The following TCF7L2 variants were observed in gnomAD, a reference collection of about 807,000 sequenced individuals.
TCF7L2 encodes transcription factor 7-like 2.
TCF7L2 carries 23 observed loss-of-function variants against 77.9 expected under a neutral mutation model. The observed-to-expected ratio is 0.30, with a 90% CI of 0.21 to 0.42. The LOEUF (loss-of-function observed/expected upper bound fraction) is 0.42. Among genes scored for constraint, TCF7L2 ranks in the 10% least tolerant of loss-of-function variants. The pLI, the probability that TCF7L2 is intolerant of heterozygous loss-of-function variation, is 1.00. For synonymous variants in TCF7L2, 413 were observed against 340.2 expected, an observed-to-expected ratio of 1.21 and a Z score of -2.36; for missense variants, 654 against 793.1, an observed-to-expected ratio of 0.82 and a Z score of 2.11.
At position 113,158,074 on chromosome 10, in the gene TCF7L2, G is replaced by A. The variant is rs1298494297; in HGVS notation, c.1318+5G>A. On this transcript the variant is annotated splice_donor_5th_base_variant and intron_variant, in intron 12 of 13. Transcript: ENST00000627217. ...AGCAGCCGGGAGAGACCAATGGTAA[G>A]TGACAATCATCAGGTTAGAGGAAGG... 1.0e-5 allele frequency: 16 copies of A among 1,595,686 alleles called. No homozygotes were observed. The highest frequency in any genetic ancestry group is 1.1e-5 in the Non-Finnish European group (13 of 1,170,156).
At chr10:112,982,203 C>G (rs1188819365) in intron 4 of TCF7L2, among the ~76,000 whole-genome samples, 3 of 152,114 alleles carry the variant, frequency 2.0e-5, no homozygotes, top group Non-Finnish European at 4.4e-5. Flanking sequence ...TTTTCTCTAT[C>G]CCAGTATTTA....
chr10:113,107,587 C>CA (rs2062509371), intron 5 of TCF7L2, among the ~76,000 whole-genome samples: 1 of 150,604 alleles, frequency 6.6e-6, no homozygotes. Flanking sequence ...ACTAAAAATA[C>CA]AAAAAATTAG....
chr10:113,120,950 C>G (rs1480179262), intron 5 of TCF7L2, among the ~76,000 whole-genome samples: 1 of 152,140 alleles, frequency 6.6e-6, no homozygotes, highest in African/African-American at 2.4e-5. Flanking sequence ...TTTATTAAAT[C>G]AGGATGCTTC....
intron 4 of TCF7L2, among the ~76,000 whole-genome samples, chr10:112,995,301 T>G (rs2043266309): frequency 6.6e-6 from 1 of 152,134 alleles, no homozygotes; most frequent in Non-Finnish European, 1.5e-5. Flanking sequence ...TTTTTTTGTT[T>G]CAAGCAAACC....
At chr10:113,124,755 C>T (rs757577701) in intron 5 of TCF7L2, among the ~76,000 whole-genome samples, 20 of 151,546 alleles carry the variant, frequency 1.3e-4, no homozygotes, top group Admixed American at 3.3e-4. Flanking sequence ...TTAATGATCT[C>T]GTAAAACGTT....
intron 5 of TCF7L2, among the ~76,000 whole-genome samples, chr10:113,064,937 C>T (rs2057042147): frequency 6.6e-6 from 1 of 152,254 alleles, no homozygotes; most frequent in Non-Finnish European, 1.5e-5. Flanking sequence ...TTGCCATTGT[C>T]ACCTCTAATG....
At chr10:113,049,847 C>G (rs2054114001) in intron 5 of TCF7L2, among the ~76,000 whole-genome samples, 2 of 152,206 alleles carry the variant, frequency 1.3e-5, no homozygotes, top group South Asian at 4.1e-4. Context: ...ACTGGCCATG[C>G]TTCGAGTGGA....
chr10:113,096,886 G>T (rs1179444877), intron 5 of TCF7L2, among the ~76,000 whole-genome samples: 1 of 152,166 alleles, frequency 6.6e-6, no homozygotes, highest in Non-Finnish European at 1.5e-5. Context: ...AGAGAAAGAA[G>T]AAATAAGAGG....
chr10:112,993,003 T>G (rs973292816), intron 4 of TCF7L2, among the ~76,000 whole-genome samples: 1 of 151,818 alleles, frequency 6.6e-6, no homozygotes, highest in African/African-American at 2.4e-5. Context: ...GACCTCATAA[T>G]CCACCCGCCT....
chr10:113,113,380 C>T (rs1056115739), intron 5 of TCF7L2, among the ~76,000 whole-genome samples: 8 of 151,640 alleles, frequency 5.3e-5, no homozygotes, highest in African/African-American at 2.0e-4. Flanking sequence ...CCCCGCACCT[C>T]CCCACCAGTG....
chr10:113,151,771 A>G lies in TCF7L2; in HGVS notation c.1048A>G (p.Ile350Val), dbSNP rs1436634516. 1.9e-6 allele frequency: 3 copies of G among 1,611,020 alleles called. No homozygotes were observed. The highest frequency in any genetic ancestry group is 2.5e-6 in the Non-Finnish European group (3 of 1,179,418). The change falls in exon 10 of 14, where the codon ATA becomes GTA. Residue 350 changes from isoleucine (I) to valine (V), a missense_variant. By Grantham distance (29) the Ile-to-Val change is conservative. This residue lies in a region of TCF7L2 where 31 missense variants were observed against 116.1 expected (regional missense o/e 0.27). Coordinates refer to ENST00000627217, the MANE Select transcript of TCF7L2 (RefSeq NM_001146274.2). This position sits in a 1 kb window ranked among gnomAD's most constrained non-coding sequence, Gnocchi z 5.2. ...GGAAGAAGAAAAGAAGAAGCCCCACATAAAGAAACCTCTTAATGCATTCAT... is the reference window on the plus strand; with the variant it reads ...GGAAGAAGAAAAGAAGAAGCCCCACGTAAAGAAACCTCTTAATGCATTCAT...
At chr10:113,068,762 GC>G (rs2135135455) in intron 5 of TCF7L2, among the ~76,000 whole-genome samples, 1 of 152,114 alleles carries the variant, frequency 6.6e-6, no homozygotes, top group East Asian at 1.9e-4. Flanking sequence ...CCGTCCGCAG[GC>G]CCCCTTGCTG....
chr10:112,970,826 C>CA (rs562832865), intron 4 of TCF7L2, among the ~76,000 whole-genome samples: 125 of 152,314 alleles, frequency 8.2e-4, no homozygotes, highest in African/African-American at 2.9e-3. Flanking sequence ...AAGTGAAGAA[C>CA]TCCTGGAAAC....
chr10:113,161,478 T>TC, intron 13 of TCF7L2: 1 of 1,310,918 alleles, frequency 7.6e-7, no homozygotes, highest in South Asian at 1.3e-5. Context: ...TGTAGGTACT[T>TC]CCTTCTTGGT....
At chr10:113,064,704 G>A (rs765496294) in intron 5 of TCF7L2, among the ~76,000 whole-genome samples, 1 of 152,146 alleles carries the variant, frequency 6.6e-6, no homozygotes, top group African/African-American at 2.4e-5. Context: ...CCAAAACATT[G>A]CCAGTTCACG....
chr10:113,146,902 A>AG (rs2069552469), intron 8 of TCF7L2, among the ~76,000 whole-genome samples: 1 of 122,314 alleles, frequency 8.2e-6, no homozygotes, highest in Admixed American at 1.1e-4. Flanking sequence ...TTTGAAAGTT[A>AG]AAAAAAAACA....
intron 4 of TCF7L2, among the ~76,000 whole-genome samples, chr10:112,980,861 C>T (rs898477550): frequency 4.6e-5 from 7 of 152,004 alleles, no homozygotes; most frequent in African/African-American, 7.2e-5. Context: ...CTCTTGACCT[C>T]GTGATCCGCC....
intron 13 of TCF7L2, chr10:113,160,805 T>C: frequency 1.1e-6 from 1 of 950,390 alleles, no homozygotes; most frequent in Non-Finnish European, 1.6e-6. Flanking sequence ...CTGGCATCAA[T>C]GACTAATGAT....
At chr10:112,993,108 A>G (rs1193686150) in intron 4 of TCF7L2, among the ~76,000 whole-genome samples, 1 of 152,038 alleles carries the variant, frequency 6.6e-6, no homozygotes, top group East Asian at 1.9e-4. Flanking sequence ...TGATCATGTA[A>G]TTCTTAACTT....
Sources: gnomAD v4.1 joint callset for allele counts (sites outside exome capture counted in the v4.1 genomes callset) on GRCh38, gnomAD v4.1.1 for gene constraint, gnomAD v4.1.1 regional missense constraint, Gnocchi (gnomAD v3.1) non-coding constraint, MANE v1.5 for transcripts, NCBI Gene and HGNC (gene_info 2026-07-23, HGNC 2026-07-21) for gene names.